Variants in MATCAP1 observed in about 807,000 individuals in gnomAD.
MATCAP1 encodes microtubule associated tyrosine carboxypeptidase 1.
At chr16:67,179,276 GC>G in the MATCAP1 span, 1 of 1,484,554 alleles carries the variant, frequency 6.7e-7, no homozygotes, top group South Asian at 1.4e-5. The surrounding 1 kb of genome is among the most constrained non-coding windows in gnomAD (Gnocchi z 5.2). Flanking sequence ...TAAGCAGAGG[GC>G]GGGAGGTGGC....
the MATCAP1 span, chr16:67,176,952 G>C: frequency 0.012 from 18,927 of 1,585,080 alleles, 1,101 homozygotes; most frequent in African/African-American, 0.15. This position sits in a 1 kb window ranked among gnomAD's most constrained non-coding sequence, Gnocchi z 4.3. Flanking sequence ...GGGGCCGCAG[G>C]TGGTCCACAT....
chr16:67,177,550 A>ACTCCCTTCC, the MATCAP1 span, among the ~76,000 whole-genome samples: 7 of 151,840 alleles, frequency 4.6e-5, no homozygotes, highest in African/African-American at 1.7e-4. Flanking sequence ...GTGCCCCTGC[A>ACTCCCTTCC]CTCCCTTCCC....
At chr16:67,179,625 A>G in the MATCAP1 span, 55 of 1,520,428 alleles carry the variant, frequency 3.6e-5, no homozygotes, top group South Asian at 6.1e-4. The surrounding 1 kb of genome is among the most constrained non-coding windows in gnomAD (Gnocchi z 5.2). Flanking sequence ...GGTGGACCCA[A>G]TGATGCCACA....
the MATCAP1 span, chr16:67,179,641 G>T: frequency 1.3e-6 from 2 of 1,497,570 alleles, no homozygotes; most frequent in Non-Finnish European, 1.8e-6. The surrounding 1 kb of genome is among the most constrained non-coding windows in gnomAD (Gnocchi z 5.2). Context: ...CCACAGGGCA[G>T]CGAGGCCAGA....
the MATCAP1 span, chr16:67,176,857 G>A: frequency 6.2e-7 from 1 of 1,609,638 alleles, no homozygotes; most frequent in Non-Finnish European, 8.5e-7. This position sits in a 1 kb window ranked among gnomAD's most constrained non-coding sequence, Gnocchi z 4.3. Context: ...CAGCCGGTTG[G>A]TGGCCATGAT....
At chr16:67,180,605 C>T in the MATCAP1 span, 1 of 1,515,416 alleles carries the variant, frequency 6.6e-7, no homozygotes, top group African/African-American at 1.4e-5. Context: ...CTGAGTCCAG[C>T]ACCATTCTGT....
At chr16:67,178,118 A>C in the MATCAP1 span, 26 of 1,609,172 alleles carry the variant, frequency 1.6e-5, no homozygotes, top group Non-Finnish European at 2.1e-5. Flanking sequence ...CTGGGAGGGC[A>C]GGAGGGCGGT....
At chr16:67,176,672 C>T in the MATCAP1 span, 1 of 773,498 alleles carries the variant, frequency 1.3e-6, no homozygotes, top group Non-Finnish European at 1.9e-6. The surrounding 1 kb of genome is among the most constrained non-coding windows in gnomAD (Gnocchi z 4.3). Flanking sequence ...GTTGCCACTC[C>T]TCCTCAAGGA....
chr16:67,183,295 T>C, the MATCAP1 span: 1 of 152,274 alleles, frequency 6.6e-6, no homozygotes, highest in Non-Finnish European at 1.5e-5. Flanking sequence ...CCTGTTTTTT[T>C]CACGTCTCGG....
the MATCAP1 span, chr16:67,180,571 G>A: frequency 6.6e-7 from 1 of 1,525,658 alleles, no homozygotes; most frequent in Non-Finnish European, 8.8e-7. Context: ...GGGCTGGGGG[G>A]TGCCTGATCA....
chr16:67,178,046 C>T, the MATCAP1 span: 1 of 1,614,206 alleles, frequency 6.2e-7, no homozygotes, highest in Non-Finnish European at 8.5e-7. Context: ...AATCGATGGT[C>T]TGGCGATGTC....
At chr16:67,181,190 T>G in the MATCAP1 span, among the ~76,000 whole-genome samples, 2 of 152,190 alleles carry the variant, frequency 1.3e-5, no homozygotes, top group Non-Finnish European at 1.5e-5. Context: ...CCTGGGCAGA[T>G]TAGGTAGGTG....
the MATCAP1 span, among the ~76,000 whole-genome samples, chr16:67,181,333 C>T: frequency 3.3e-5 from 5 of 152,334 alleles, no homozygotes; most frequent in Admixed American, 6.5e-5. Context: ...CCCATGCTTA[C>T]GCCGGTACCC....
At chr16:67,177,888 G>T in the MATCAP1 span, 4 of 801,580 alleles carry the variant, frequency 5.0e-6, no homozygotes, top group African/African-American at 5.2e-5. Context: ...TTCCACCCAC[G>T]CTCCCCCCTA....
chr16:67,180,021 G>T, the MATCAP1 span: 1 of 1,612,746 alleles, frequency 6.2e-7, no homozygotes, highest in Non-Finnish European at 8.5e-7. Flanking sequence ...GCCAGGATAC[G>T]GTGGGGAGGC....
the MATCAP1 span, chr16:67,180,589 G>A: frequency 6.6e-7 from 1 of 1,520,862 alleles, no homozygotes; most frequent in Non-Finnish European, 8.8e-7. Flanking sequence ...TCATACGCCT[G>A]AGCCCCTGAG....
the MATCAP1 span, chr16:67,176,097 G>A: frequency 6.7e-6 from 1 of 150,356 alleles, no homozygotes; most frequent in Non-Finnish European, 1.5e-5. This position sits in a 1 kb window ranked among gnomAD's most constrained non-coding sequence, Gnocchi z 4.3. Flanking sequence ...GTGTGTGTGT[G>A]TGTGTGTGTG....
At chr16:67,180,039 A>G in the MATCAP1 span, 3 of 1,613,632 alleles carry the variant, frequency 1.9e-6, no homozygotes, top group Non-Finnish European at 2.5e-6. Context: ...GGCTGGACTG[A>G]CCTGATGGAT....
chr16:67,181,854 A>AATT, the MATCAP1 span, among the ~76,000 whole-genome samples: 9 of 152,168 alleles, frequency 5.9e-5, no homozygotes, highest in Middle Eastern at 6.8e-3. Context: ...AATTCACTCC[A>AATT]ATTAGCCTTT....
Sources: allele counts gnomAD v4.1 joint callset (sites outside exome capture counted in the v4.1 genomes callset), GRCh38; gene constraint gnomAD v4.1.1; non-coding constraint Gnocchi (gnomAD v3.1); transcripts MANE v1.5; gene names NCBI Gene and HGNC (gene_info 2026-07-23, HGNC 2026-07-21).